The following GALNT13 variants were observed in gnomAD, a reference collection of about 807,000 sequenced individuals.
The protein encoded by GALNT13 is polypeptide N-acetylgalactosaminyltransferase 13.
GALNT13 carries 28 observed loss-of-function variants against 64.2 expected under a neutral mutation model. That is an observed-to-expected ratio of 0.44 (90% CI 0.32 to 0.60). GALNT13 has a LOEUF of 0.60. Ranked by LOEUF, GALNT13 falls within the 20% of genes least tolerant of loss-of-function variation. The probability of loss-of-function intolerance (pLI) is 0.05; values close to 1 mark genes in which losing one functional copy is unlikely to be tolerated. For synonymous variants in GALNT13, 214 were observed against 224.6 expected, an observed-to-expected ratio of 0.95 and a Z score of 0.42; for missense variants, 577 against 669.8, an observed-to-expected ratio of 0.86 and a Z score of 1.53.
chr2:153,721,934 A>G, the GALNT13 span, among the ~76,000 whole-genome samples: 1 of 149,994 alleles, frequency 6.7e-6, no homozygotes. Context: ...CAGGAATTGA[A>G]CTCAGCTCTG....
intron 11 of GALNT13, among the ~76,000 whole-genome samples, chr2:154,414,514 T>TG (rs1312294428): frequency 2.6e-5 from 4 of 151,546 alleles, no homozygotes; most frequent in South Asian, 2.1e-4. Flanking sequence ...TATATTTTTT[T>TG]TTTGTTTTTT....
At chr2:154,392,543 A>T (rs1052140453) in intron 9 of GALNT13, among the ~76,000 whole-genome samples, 1 of 152,218 alleles carries the variant, frequency 6.6e-6, no homozygotes, top group Non-Finnish European at 1.5e-5. Flanking sequence ...CAGGAGGGCC[A>T]TTCTTTCATG....
At chr2:153,147,105 T>C in the GALNT13 span, among the ~76,000 whole-genome samples, 1 of 151,430 alleles carries the variant, frequency 6.6e-6, no homozygotes, top group African/African-American at 2.4e-5. Flanking sequence ...GAGAAATGAG[T>C]TTCCCAGCAC....
chr2:153,379,810 A>T, the GALNT13 span, among the ~76,000 whole-genome samples: 2,421 of 152,286 alleles, frequency 0.016, 84 homozygotes, highest in African/African-American at 0.055. Flanking sequence ...CATTATGCAT[A>T]TGAAACTTTT....
intron 3 of GALNT13, among the ~76,000 whole-genome samples, chr2:153,972,321 A>T (rs943357052): frequency 6.6e-6 from 1 of 152,134 alleles, no homozygotes; most frequent in Non-Finnish European, 1.5e-5. Context: ...GGCTTGTCCC[A>T]AATCGCAAAG....
At chr2:154,018,514 GA>G (rs575512228) in intron 3 of GALNT13, among the ~76,000 whole-genome samples, 1 of 151,546 alleles carries the variant, frequency 6.6e-6, no homozygotes, top group Non-Finnish European at 1.5e-5. Flanking sequence ...GTGTGTATAG[GA>G]AAAAAAACAG....
intron 12 of GALNT13, among the ~76,000 whole-genome samples, chr2:154,449,217 T>A (rs1413440319): frequency 6.6e-6 from 1 of 151,828 alleles, no homozygotes; most frequent in Non-Finnish European, 1.5e-5. Flanking sequence ...CTAATTGCCT[T>A]GCTCTTTTAA....
intron 4 of GALNT13, among the ~76,000 whole-genome samples, chr2:154,152,865 C>T (rs1241548857): frequency 3.9e-5 from 6 of 152,046 alleles, no homozygotes. Flanking sequence ...ACTTCTTTGC[C>T]TTTGGTTTGA....
At chr2:154,177,360 G>A (rs1685710466) in intron 4 of GALNT13, among the ~76,000 whole-genome samples, 1 of 151,822 alleles carries the variant, frequency 6.6e-6, no homozygotes, top group South Asian at 2.1e-4. Context: ...TGTGGAAAAG[G>A]CAAATTACAG....
the GALNT13 span, among the ~76,000 whole-genome samples, chr2:153,576,023 C>A: frequency 6.6e-6 from 1 of 152,120 alleles, no homozygotes; most frequent in African/African-American, 2.4e-5. Flanking sequence ...CCTTCTGGCA[C>A]AGGGTGTGTC....
the GALNT13 span, among the ~76,000 whole-genome samples, chr2:153,224,294 T>C: frequency 1.3e-5 from 2 of 149,140 alleles, no homozygotes; most frequent in African/African-American, 5.0e-5. Flanking sequence ...ATGGGAACAA[T>C]AGACACTGGG....
chr2:153,864,715 G>A, the GALNT13 span, among the ~76,000 whole-genome samples: 9 of 151,272 alleles, frequency 5.9e-5, no homozygotes, highest in Admixed American at 1.3e-4. Context: ...AATCAATATC[G>A]TGAAAATGGC....
the GALNT13 span, among the ~76,000 whole-genome samples, chr2:153,133,068 G>T: frequency 6.8e-6 from 1 of 146,244 alleles, no homozygotes; most frequent in South Asian, 2.1e-4. Flanking sequence ...TTTTTGAAAC[G>T]AGAGCGTGTT....
intron 3 of GALNT13, among the ~76,000 whole-genome samples, chr2:154,134,230 A>G (rs1053188433): frequency 6.6e-6 from 1 of 152,252 alleles, no homozygotes; most frequent in Non-Finnish European, 1.5e-5. Context: ...TTGCAACATT[A>G]TGAAAAGTAT....
chr2:153,540,637 A>C, the GALNT13 span, among the ~76,000 whole-genome samples: 1 of 152,234 alleles, frequency 6.6e-6, no homozygotes, highest in African/African-American at 2.4e-5. Flanking sequence ...ACTGAGCCGC[A>C]GGGGCAGAAC....
chr2:153,181,677 GTAAATATATTTATATAATTATATTACA>G, the GALNT13 span, among the ~76,000 whole-genome samples: 3 of 143,232 alleles, frequency 2.1e-5, no homozygotes, highest in Admixed American at 2.1e-4. Context: ...TTCTATTTAT[GTAAATATATTTATATAATTATATTACA>G]TAAATATAAT....
chr2:153,963,723 CTCTCTCTCTGTGTGTGTGTGTG>C (rs1241652657), intron 3 of GALNT13, among the ~76,000 whole-genome samples: 2 of 94,726 alleles, frequency 2.1e-5, no homozygotes, highest in African/African-American at 8.6e-5. Context: ...CTCTCTCTCT[CTCTCTCTCTGTGTGTGTGTGTG>C]TGTGTGTGTG....
At chr2:154,216,744 C>T (rs1449641326) in intron 4 of GALNT13, among the ~76,000 whole-genome samples, 1 of 150,776 alleles carries the variant, frequency 6.6e-6, no homozygotes, top group Non-Finnish European at 1.5e-5. Context: ...GATTCATTTT[C>T]CCTACTTTAA....
intron 3 of GALNT13, 113 bp downstream of exon 3, chr2:153,944,752 T>C: frequency 1.2e-6 from 1 of 845,884 alleles, no homozygotes; most frequent in East Asian, 2.5e-5. Context: ...TAGAAGAGCA[T>C]TTTGGCAGCA....
Sources: allele counts gnomAD v4.1 joint callset (sites outside exome capture counted in the v4.1 genomes callset), GRCh38; gene constraint gnomAD v4.1.1; transcripts MANE v1.5; gene names NCBI Gene and HGNC (gene_info 2026-07-23, HGNC 2026-07-21).